BHMT2: variants seen among roughly 807,000 people sequenced by gnomAD.
The protein encoded by BHMT2 is betaine--homocysteine S-methyltransferase 2, also known as S-methylmethionine--homocysteine S-methyltransferase BHMT2.
A neutral mutation model predicts 39.0 loss-of-function variants in BHMT2; 28 were observed. The ratio of observed to expected loss-of-function variants is 0.72; its 90% confidence interval spans 0.53 to 0.98. BHMT2 has a LOEUF of 0.98. Among genes scored for constraint, BHMT2 ranks in the 50% least tolerant of loss-of-function variants. The pLI is 0.00. For synonymous variants in BHMT2, 145 were observed against 160.6 expected (o/e 0.90, Z 0.74); for missense variants, 410 against 455.6 (o/e 0.90, Z 0.91).
At chr5:79,074,047 C>A (rs997467094) in intron 1 of BHMT2, among the ~76,000 whole-genome samples, 13 of 152,216 alleles carry the variant, frequency 8.5e-5, no homozygotes, top group Non-Finnish European at 1.3e-4. Flanking sequence ...CAGCCTCCTT[C>A]TCCCTATATG....
rs80141772 is a variant in BHMT2, at chr5:79,074,941, G to A, written c.34-2539G>A. Among the ~76,000 whole-genome samples, 2,234 of 152,246 alleles carry A rather than the reference G, an allele frequency of 0.015. 104 individuals carry two copies. The East Asian group carries it at 0.17, about 11-fold the overall frequency. ...TCATCGTTTGAGACAGAGTATGAAC[G>A]TGACTCTGATCCAGTTTCCCCCATG... is the stretch of plus-strand genomic sequence containing the variant. On this transcript the variant is annotated intron_variant, in intron 1 of 7. Transcript: ENST00000255192.
chr5:79,089,342 T>C lies in BHMT2; in HGVS notation c.*768T>C, dbSNP rs1398504935. 3.3e-5 allele frequency: 5 copies of C among 151,472 alleles called. No homozygotes were observed. 9.4% of individuals were successfully genotyped at this position (151,472 alleles called of 1,614,324 possible). A position where few individuals can be genotyped will look rare whatever the true frequency, so the allele number is the denominator to read the frequency against. On this transcript the variant is annotated 3_prime_UTR_variant, in exon 8 of 8. Coordinates refer to ENST00000255192, the MANE Select transcript of BHMT2 (RefSeq NM_017614.5). ...GGCGGGTGCCTGTAATCCCAGCTACTCGGGAGGCTGAGGCAGGAGAATCGC... is the reference window on the plus strand; with the variant it reads ...GGCGGGTGCCTGTAATCCCAGCTACCCGGGAGGCTGAGGCAGGAGAATCGC...
intron 7 of BHMT2, among the ~76,000 whole-genome samples, chr5:79,084,333 A>G (rs1357328882): frequency 6.6e-6 from 1 of 151,922 alleles, no homozygotes; most frequent in Non-Finnish European, 1.5e-5. Context: ...CTGCAGTGCA[A>G]TGACACAATC....
chr5:79,090,044 TG>T lies in BHMT2; in HGVS notation c.*1472del, dbSNP rs1226658324. Among the ~76,000 whole-genome samples, 7 of 152,348 alleles carry T rather than the reference TG, an allele frequency of 4.6e-5. No homozygotes were observed. Among genetic ancestry groups the T allele is most frequent in the Admixed American group, 2.0e-4 (3 of 15,300 alleles). ...TTTTTCACAACAATTTATCAATTTG[TG>T]GCAATAAAAATGATTTACCTTTTAT... On this transcript the variant is annotated 3_prime_UTR_variant, in exon 8 of 8. Transcript: ENST00000255192.
At position 79,072,868 on chromosome 5, in the gene BHMT2, C is replaced by T. The variant is rs2112692585; in HGVS notation, c.33+3053C>T. On this transcript the variant is annotated intron_variant, in intron 1 of 7. Coordinates refer to ENST00000255192, the MANE Select transcript of BHMT2 (RefSeq NM_017614.5). ...AATGTGTAATACACTTGGCATAACC[C>T]TGTGATAGGTTGGATGTGGGAGGTG... Among the ~76,000 whole-genome samples the T allele has an allele frequency of 2.6e-5, 4 of 152,116 alleles. 1 individual carries two copies. The South Asian group carries it at 8.3e-4, about 32-fold the overall frequency.
chr5:79,070,240 C>T (rs1755533733), intron 1 of BHMT2, among the ~76,000 whole-genome samples: 1 of 152,208 alleles, frequency 6.6e-6, no homozygotes, highest in African/African-American at 2.4e-5. Context: ...GGGAACTCTT[C>T]GGACTGTCCC....
intron 5 of BHMT2, 72 bp from the exon 6 acceptor site, chr5:79,083,120 G>T (rs1216891328): frequency 1.1e-5 from 18 of 1,589,488 alleles, no homozygotes; most frequent in Non-Finnish European, 1.4e-5. Flanking sequence ...AACCTCTAAG[G>T]TACCTTCCAA....
rs766100497 is a variant in BHMT2, at chr5:79,077,105, T to G, written c.34-375T>G. On this transcript the variant is annotated intron_variant, in intron 1 of 7. Transcript: ENST00000255192. ...CCCAGAGGCAAAGGAACCTGGGAAT[T>G]TTTTGAAAGTTAGGGGCATTGTCCC... Among the ~76,000 whole-genome samples, 3 of 152,270 alleles carry G rather than the reference T, an allele frequency of 2.0e-5. No individual in the cohort carries two copies. In the South Asian group the frequency reaches 6.2e-4, roughly 32 times the overall value.
At chr5:79,071,208 G>A (rs1320894537) in intron 1 of BHMT2, 1 of 152,212 alleles carries the variant, frequency 6.6e-6, no homozygotes, top group Non-Finnish European at 1.5e-5. Context: ...TCTCTCCTCA[G>A]CTAGCAGGTA....
At chr5:79,070,635 C>T (rs1342165997) in intron 1 of BHMT2, among the ~76,000 whole-genome samples, 1 of 151,854 alleles carries the variant, frequency 6.6e-6, no homozygotes, top group African/African-American at 2.4e-5. Flanking sequence ...GCAGTTTATG[C>T]GTGGAAATGT....
At position 79,083,639 on chromosome 5, in the gene BHMT2, A is replaced by C. The variant is rs1268571077; in HGVS notation, c.793A>C (p.Arg265=). 1.2e-6 allele frequency: 2 copies of C among 1,614,046 alleles called. No homozygotes were observed. The highest frequency in any genetic ancestry group is 1.7e-6 in the Non-Finnish European group (2 of 1,179,916). Residue 265 remains arginine, a synonymous_variant, in exon 7 of 8, where the codon AGA becomes CGA. Transcript: ENST00000255192. ...CTATTGTGATTCAGGACTGGAGTCCAGAGTTGCCACCAGATGGGATATTCA... is the reference window on the plus strand; with the variant it reads ...CTATTGTGATTCAGGACTGGAGTCCCGAGTTGCCACCAGATGGGATATTCA... ...LPEYPFGLES[R]VATRWDIQKY... is the part of the protein sequence containing the mutation.
At position 79,082,798 on chromosome 5, in the gene BHMT2, A is replaced by G; in HGVS notation, c.451-11A>G. ...TGTTTGGACCAGTAGAAAAAGTGAC[A>G]TTTCTCTTAGTATTTTGAGCACGTT... is the stretch of plus-strand genomic sequence containing the variant. On this transcript the variant is annotated splice_polypyrimidine_tract_variant and intron_variant, in intron 4 of 7. Coordinates refer to ENST00000255192, the MANE Select transcript of BHMT2 (RefSeq NM_017614.5). 6.2e-7 allele frequency: 1 copy of G among 1,612,922 alleles called. No homozygotes were observed. The highest frequency in any genetic ancestry group is 8.5e-7 in the Non-Finnish European group (1 of 1,179,488).
rs550651771 is a variant in BHMT2, at chr5:79,079,661, C to T, written c.258+201C>T. Among the ~76,000 whole-genome samples, 14 of 152,256 alleles carry T rather than the reference C, an allele frequency of 9.2e-5. No individual in the cohort carries two copies. The South Asian group carries it at 1.7e-3, about 18-fold the overall frequency. On this transcript the variant is annotated intron_variant, in intron 3 of 7. Transcript: ENST00000255192. ...CTGTAATCCCAGCACTCTGAGAGGC[C>T]GAGGTGGACAGACCACTTGAGCCCA...
chr5:79,070,266 AGT>A (rs1755535395), intron 1 of BHMT2, among the ~76,000 whole-genome samples: 1 of 152,136 alleles, frequency 6.6e-6, no homozygotes, highest in Non-Finnish European at 1.5e-5. Flanking sequence ...GTTTTGGAAA[AGT>A]CAGCAGCCTG....
intron 1 of BHMT2, among the ~76,000 whole-genome samples, chr5:79,076,277 G>A (rs754985479): frequency 6.6e-6 from 1 of 152,162 alleles, no homozygotes; most frequent in Non-Finnish European, 1.5e-5. Context: ...GCCTGCCAGA[G>A]TCTGTGTGTT....
Position 79,069,804 on chromosome 5 carries a change from G to T in BHMT2, c.22G>T (p.Gly8Trp). The T allele has an allele frequency of 7.0e-7, 1 of 1,437,608 alleles. No homozygotes were observed. The highest frequency in any genetic ancestry group is 9.2e-7 in the Non-Finnish European group (1 of 1,089,140). 89.1% of individuals were successfully genotyped at this position (1,437,608 alleles called of 1,614,324 possible). The stretch of plus-strand genomic sequence containing the variant: ...CACCATGGCACCTGCTGGACGCCCG[G>T]GGGCCAAGAAGGTGAGTTTCGTCCC... MAPAGRPGAKKGILERLE... is the reference protein window; with the variant it reads MAPAGRPWAKKGILERLE... The change falls in exon 1 of 8, where the codon GGG becomes TGG. Residue 8 changes from glycine to tryptophan, a missense_variant. Coordinates refer to ENST00000255192, the MANE Select transcript of BHMT2 (RefSeq NM_017614.5).
chr5:79,081,898 C>G (rs1381331301), intron 4 of BHMT2, among the ~76,000 whole-genome samples: 2 of 152,018 alleles, frequency 1.3e-5, no homozygotes, highest in African/African-American at 4.8e-5. Flanking sequence ...CACCATTATT[C>G]CCCCTAGTGA....
In BHMT2 at chr5:79,077,578, G is replaced by A. The variant is rs374332843; in HGVS notation, c.132G>A (p.Trp44Ter). Reference sequence around the variant, plus strand: ...GAGGCTATGTGAAGGCTGGGCTCTGGACTCCAGAGGCAGTGATAGAACACC... The same window carrying A: ...GAGGCTATGTGAAGGCTGGGCTCTGAACTCCAGAGGCAGTGATAGAACACC... ...EKRGYVKAGL[W>*]TPEAVIEHPD... is the part of the protein sequence containing the mutation. Residue 44 changes from tryptophan to a stop codon, truncating the protein, a stop_gained, in exon 2 of 8, where the codon TGG (tryptophan) becomes TGA (stop). Transcript: ENST00000255192. LOFTEE classifies it high-confidence loss of function. 1.2e-6 allele frequency: 2 copies of A among 1,613,878 alleles called. No individual in the cohort carries two copies. The highest frequency in any genetic ancestry group is 1.3e-5 in the African/African-American group (1 of 74,884).
chr5:79,079,483 G>C (rs1486865178), intron 3 of BHMT2, 23 bp downstream of exon 3: 7 of 1,532,378 alleles, frequency 4.6e-6, no homozygotes, highest in Non-Finnish European at 6.3e-6. Flanking sequence ...GGCTGGGTGT[G>C]GGGGAGGGAG....
Sources: gnomAD v4.1 joint callset for allele counts (sites outside exome capture counted in the v4.1 genomes callset) on GRCh38, gnomAD v4.1.1 for gene constraint, MANE v1.5 for transcripts, NCBI Gene and HGNC (gene_info 2026-07-23, HGNC 2026-07-21) for gene names.